Variants in SPAG17 observed in about 807,000 individuals in gnomAD.
The protein encoded by SPAG17 is sperm-associated antigen 17.
In SPAG17, 169 loss-of-function variants were observed where a neutral mutation model predicts 273.6. The observed-to-expected ratio is 0.62, with a 90% CI of 0.55 to 0.70. The LOEUF is 0.70. Ranked by LOEUF, SPAG17 falls within the 30% of genes least tolerant of loss-of-function variation. The pLI, the probability that SPAG17 is intolerant of heterozygous loss-of-function variation, is 0.00. For synonymous variants in SPAG17, 825 were observed against 873.2 expected (o/e 0.94, Z 0.97); for missense variants, 2,557 against 2,627.8 (o/e 0.97, Z 0.59).
chr1:118,177,640 T>G (rs888815858), intron 1 of SPAG17, among the ~76,000 whole-genome samples: 1 of 152,104 alleles, frequency 6.6e-6, no homozygotes, highest in African/African-American at 2.4e-5. Context: ...AACAAGTTGG[T>G]TTTTTTGAAA....
At chr1:118,145,361 T>A (rs945100133) in intron 3 of SPAG17, among the ~76,000 whole-genome samples, 1 of 152,164 alleles carries the variant, frequency 6.6e-6, no homozygotes, top group African/African-American at 2.4e-5. Context: ...TTCTCACTTG[T>A]CAATTACTAA....
intron 28 of SPAG17, among the ~76,000 whole-genome samples, chr1:118,017,572 A>G (rs1419774380): frequency 1.3e-5 from 2 of 152,192 alleles, no homozygotes; most frequent in African/African-American, 4.8e-5. Flanking sequence ...AAGTGTTATA[A>G]GAGAGAAAGT....
chr1:118,097,453 CTTA>C (rs1199656756), intron 7 of SPAG17, among the ~76,000 whole-genome samples: 1 of 152,196 alleles, frequency 6.6e-6, no homozygotes, highest in South Asian at 2.1e-4. Context: ...TCTACTACAT[CTTA>C]TTATTTGTTG....
At chr1:118,007,184 T>C (rs1412758961) in intron 31 of SPAG17, among the ~76,000 whole-genome samples, 1 of 152,194 alleles carries the variant, frequency 6.6e-6, no homozygotes. Context: ...TTTATATCTA[T>C]GTTTTCTTTC....
chr1:118,019,799 TA>T lies in SPAG17; in HGVS notation c.4069+3504del, dbSNP rs541036194. 1.2e-3 allele frequency among the ~76,000 whole-genome samples: 176 copies of T among 152,316 alleles called. 2 individuals are homozygous for T. The highest frequency in any genetic ancestry group is 4.0e-3 in the African/African-American group (167 of 41,586). On this transcript the variant is annotated intron_variant, in intron 28 of 48. Transcript: ENST00000336338. ...CAGCAACATTGGAAGCAAGAGAGTA[TA>T]AAGGATATTTTCAATGTACTGAGAG...
intron 18 of SPAG17, 146 bp downstream of exon 18, chr1:118,066,599 T>C (rs1652999588): frequency 1.6e-6 from 1 of 609,292 alleles, no homozygotes; most frequent in African/African-American, 1.9e-5. Context: ...TTTAGTGAGC[T>C]GAATTGAATC....
chr1:118,100,305 T>C (rs564929500), intron 5 of SPAG17, among the ~76,000 whole-genome samples: 7 of 152,358 alleles, frequency 4.6e-5, no homozygotes, highest in South Asian at 2.1e-4. Context: ...GTATGGATTA[T>C]GTAGTAACTA....
rs754851549 is a variant in SPAG17, at chr1:118,016,124, AG to A, written c.4127del (p.Pro1376LeufsTer8). 15 of 1,613,942 alleles carry A rather than the reference AG, an allele frequency of 9.3e-6. No homozygotes were observed. The highest frequency in any genetic ancestry group is 1.1e-5 in the Non-Finnish European group (13 of 1,179,974). On this transcript the variant is annotated frameshift_variant, in exon 29 of 49. Transcript: ENST00000336338. LOFTEE classifies it high-confidence loss of function. ...MAHKGEIHDP[P>X]PEAVQTVTPV... is the part of the protein sequence containing the mutation. ...GAGTTACAGTTTGAACTGCCTCTGG[AG>A]GAGGGTCATGGATTTCACCCTTATG...
At chr1:118,070,235 G>A (rs1202224374) in intron 17 of SPAG17, among the ~76,000 whole-genome samples, 1 of 152,156 alleles carries the variant, frequency 6.6e-6, no homozygotes, top group African/African-American at 2.4e-5. Context: ...GCAGAATACA[G>A]AAAGCCAAGT....
chr1:118,005,720 A>G, intron 31 of SPAG17, 118 bp from the exon 32 acceptor site: 1 of 712,352 alleles, frequency 1.4e-6, no homozygotes. Context: ...CTGTGTTTGC[A>G]GGAGGAAAAC....
intron 1 of SPAG17, among the ~76,000 whole-genome samples, chr1:118,176,602 A>G (rs1660709780): frequency 6.6e-6 from 1 of 152,232 alleles, no homozygotes; most frequent in Admixed American, 6.5e-5. Context: ...ATTATGATAC[A>G]ATGATTATAG....
chr1:118,085,093 T>G (rs919279633), intron 13 of SPAG17, among the ~76,000 whole-genome samples: 1 of 152,192 alleles, frequency 6.6e-6, no homozygotes, highest in Non-Finnish European at 1.5e-5. Context: ...CTTTCTTAGT[T>G]CCTTCCTGTC....
chr1:118,137,422 T>C (rs1025342567), intron 3 of SPAG17, among the ~76,000 whole-genome samples: 1 of 152,218 alleles, frequency 6.6e-6, no homozygotes, highest in African/African-American at 2.4e-5. Flanking sequence ...TACCAGGTAC[T>C]ATGCAGGGCA....
At chr1:117,954,609 G>A (rs775384383) in intron 48 of SPAG17, 1 of 1,612,068 alleles carries the variant, frequency 6.2e-7, no homozygotes, top group Non-Finnish European at 8.5e-7. Flanking sequence ...CCATCCTAAT[G>A]GCTTATGGCA....
At chr1:118,146,668 A>C (rs1303978380) in intron 3 of SPAG17, among the ~76,000 whole-genome samples, 1 of 152,152 alleles carries the variant, frequency 6.6e-6, no homozygotes, top group Admixed American at 6.5e-5. Context: ...GAAAGTCAAG[A>C]TCTACCTATC....
At chr1:117,958,979 T>G (rs1229016158) in intron 48 of SPAG17, 1 of 1,614,020 alleles carries the variant, frequency 6.2e-7, no homozygotes, top group Non-Finnish European at 8.5e-7. Flanking sequence ...GGGAAACAAC[T>G]ATTTCAAAAG....
In SPAG17 at chr1:118,033,733, C is replaced by T. The variant is rs147869139; in HGVS notation, c.3434-1866G>A. ...CACTGCAGCCACACTGAACTTTTCA[C>T]CTTTCTGTGAAGATGCCATGTTTTG... is the stretch of plus-strand genomic sequence containing the variant. On this transcript the variant is annotated intron_variant, in intron 24 of 48. Transcript: ENST00000336338. Among the ~76,000 whole-genome samples, 675 of 152,330 alleles carry T rather than the reference C, an allele frequency of 4.4e-3. 6 individuals are homozygous for T. The highest frequency in any genetic ancestry group is 0.016 in the African/African-American group (651 of 41,580).
chr1:118,007,934 A>G (rs1659069750), intron 31 of SPAG17, 110 bp downstream of exon 31: 2 of 1,125,394 alleles, frequency 1.8e-6, no homozygotes, highest in Non-Finnish European at 2.6e-6. Flanking sequence ...TAAGAGAATG[A>G]AAGCAACAGC....
intron 17 of SPAG17, among the ~76,000 whole-genome samples, chr1:118,071,291 G>C (rs1478540000): frequency 6.6e-6 from 1 of 152,134 alleles, no homozygotes; most frequent in East Asian, 1.9e-4. Context: ...GAAACTTGGA[G>C]GAAAAAGAGA....
Sources: allele counts gnomAD v4.1 joint callset (sites outside exome capture counted in the v4.1 genomes callset), GRCh38; gene constraint gnomAD v4.1.1; transcripts MANE v1.5; gene names NCBI Gene and HGNC (gene_info 2026-07-23, HGNC 2026-07-21).